EML1: variants seen among roughly 807,000 people sequenced by gnomAD.
EML1 encodes echinoderm microtubule-associated protein-like 1.
EML1 carries 27 observed loss-of-function variants against 110.4 expected under a neutral mutation model. The ratio of observed to expected loss-of-function variants is 0.24; its 90% CI spans 0.18 to 0.34. The LOEUF is 0.34. Ranked by LOEUF, EML1 falls within the 10% of genes least tolerant of loss-of-function variation. The pLI, the probability that EML1 is intolerant of heterozygous loss-of-function variation, is 1.00. For missense variants in EML1, 741 were observed against 1,030.9 expected (o/e 0.72, Z 3.85); for synonymous variants, 344 against 385.8 (o/e 0.89, Z 1.27).
At chr14:99,821,050 G>A (rs576009589) in intron 1 of EML1, among the ~76,000 whole-genome samples, 1 of 143,938 alleles carries the variant, frequency 6.9e-6, no homozygotes, top group Non-Finnish European at 1.5e-5. Flanking sequence ...TTTGGAGACA[G>A]TGTCTTGCTC....
intron 20 of EML1, among the ~76,000 whole-genome samples, chr14:99,938,562 C>A (rs2060516436): frequency 6.6e-6 from 1 of 152,062 alleles, no homozygotes; most frequent in African/African-American, 2.4e-5. Flanking sequence ...GGGCGTCCCC[C>A]ACCCACCCAT....
chr14:99,809,149 T>G (rs879288568), intron 1 of EML1, among the ~76,000 whole-genome samples: 1 of 152,190 alleles, frequency 6.6e-6, no homozygotes, highest in Admixed American at 6.5e-5. Flanking sequence ...GATAATTGAA[T>G]TTTTGCAAAT....
chr14:99,873,015 G>A (rs1566910027), intron 3 of EML1, among the ~76,000 whole-genome samples: 1 of 152,148 alleles, frequency 6.6e-6, no homozygotes, highest in Non-Finnish European at 1.5e-5. Context: ...GGCTTGATTT[G>A]GAATCCTTGG....
At chr14:99,937,505 G>A (rs1355081621) in intron 19 of EML1, among the ~76,000 whole-genome samples, 8 of 152,116 alleles carry the variant, frequency 5.3e-5, no homozygotes, top group African/African-American at 1.4e-4. Flanking sequence ...TCAGGGGCTC[G>A]GGTGGGGGTG....
chr14:99,920,444 A>G (rs938489467), intron 16 of EML1, among the ~76,000 whole-genome samples: 2 of 152,008 alleles, frequency 1.3e-5, no homozygotes, highest in African/African-American at 4.8e-5. Flanking sequence ...GTGGTCCTTC[A>G]CTGCTTCCTC....
chr14:99,766,225 C>T lies in EML1; in HGVS notation c.28+28365C>T, dbSNP rs191905508. 3.5e-3 allele frequency among the ~76,000 whole-genome samples: 496 copies of T among 142,118 alleles called. 1 individual carries two copies. Among genetic ancestry groups the T allele is most frequent in the African/African-American group, 0.012 (479 of 39,126 alleles). 93.2% of individuals were successfully genotyped at this position (142,118 alleles called of 152,430 possible). On this transcript the variant is annotated intron_variant, in intron 1 of 10. Transcript: ENST00000554479. The stretch of plus-strand genomic sequence containing the variant: ...TTTTTTTTTTTTTGAGACAGAGTCT[C>T]ACTCTGTTGCCCAGGCTGGAGTGCA...
At chr14:99,935,349 C>T (rs188568227) in intron 17 of EML1, among the ~76,000 whole-genome samples, 11 of 152,058 alleles carry the variant, frequency 7.2e-5, no homozygotes, top group Admixed American at 3.3e-4. Context: ...TCATGGCACA[C>T]GCCTGTAGTC....
rs2057082491 is a variant in EML1, at chr14:99,744,531, TC to T, written c.28+6676del. ...CTGCACCCCTTTCATTGAGTTTTTT[TC>T]CCCCGAATTGACCGTCTGTTTCTTT... On this transcript the variant is annotated intron_variant, in intron 1 of 10. Coordinates refer to the EML1 transcript ENST00000554479. Among the ~76,000 whole-genome samples the T allele has an allele frequency of 5.3e-5, 8 of 152,324 alleles. 1 individual carries two copies. The South Asian group carries it at 1.7e-3, about 32-fold the overall frequency.
chr14:99,777,388 G>A (rs900862990), intron 1 of EML1, among the ~76,000 whole-genome samples: 8 of 152,012 alleles, frequency 5.3e-5, no homozygotes, highest in African/African-American at 1.9e-4. Context: ...CTTGCCTTTT[G>A]GTATGTCTTT....
rs762714465 is a variant in EML1, at chr14:99,936,294, G to C, written c.2055G>C (p.Gln685His). ...ITHLDWSVNS[Q>H]FLVSNSGDYE... ...ACCTGGACTGGTCTGTAAACTCACA[G>C]TTCCTCGTGTCAAATTCCGGAGACT... The change falls in exon 19 of 22, where the codon CAG becomes CAC. Residue 685 changes from glutamine (Q) to histidine (H), a missense_variant. By Grantham distance (24) the Gln-to-His change is conservative (BLOSUM62 0). Around this residue, in one of 4 missense-constraint regions of EML1, gnomAD observed 388 missense variants for 605.6 expected, o/e 0.64. Coordinates refer to ENST00000262233, the MANE Select transcript of EML1 (RefSeq NM_004434.3). The surrounding 1 kb of genome is among the most constrained non-coding windows in gnomAD (Gnocchi z 5.5). The C allele has an allele frequency of 6.2e-7, 1 of 1,614,004 alleles. No homozygotes were observed. The highest frequency in any genetic ancestry group is 1.3e-5 in the African/African-American group (1 of 75,030).
At chr14:99,764,663 C>T (rs539749316) in intron 1 of EML1, among the ~76,000 whole-genome samples, 1 of 152,302 alleles carries the variant, frequency 6.6e-6, no homozygotes, top group South Asian at 2.1e-4. Flanking sequence ...AAGGAGGTGG[C>T]TGAGAAGGAA....
At chr14:99,916,916 T>C (rs1440555415) in intron 15 of EML1, among the ~76,000 whole-genome samples, 1 of 152,212 alleles carries the variant, frequency 6.6e-6, no homozygotes, top group African/African-American at 2.4e-5. Flanking sequence ...TGTATCTCTT[T>C]CATGGATCTC....
chr14:99,850,887 G>T lies in EML1; in HGVS notation c.102G>T (p.Val34=). 1 of 1,614,118 alleles carries T rather than the reference G, an allele frequency of 6.2e-7. No individual in the cohort carries two copies. The highest frequency in any genetic ancestry group is 8.5e-7 in the Non-Finnish European group (1 of 1,180,008). Residue 34 remains valine, a synonymous_variant, in exon 2 of 22, where the codon GTG becomes GTT. Coordinates refer to ENST00000262233, the MANE Select transcript of EML1 (RefSeq NM_004434.3). The stretch of plus-strand genomic sequence containing the variant: ...CTTCTGCTGCAAGTAGCATGGAGGT[G>T]ACAGACCGCATTGCTTCACTGGAGC... ...DSASAASSME[V]TDRIASLEQR...
intron 8 of EML1, among the ~76,000 whole-genome samples, chr14:99,898,926 TATA>T (rs1218481796): frequency 9.9e-5 from 15 of 152,246 alleles, no homozygotes; most frequent in African/African-American, 3.4e-4. Context: ...AAGTTAAAAT[TATA>T]ATAATAATTT....
chr14:99,766,194 C>CTTTTTT (rs34008528), intron 1 of EML1, among the ~76,000 whole-genome samples: 1 of 129,876 alleles, frequency 7.7e-6, no homozygotes, highest in African/African-American at 2.9e-5. Flanking sequence ...TAAACTTTTA[C>CTTTTTT]TTTTTTTTTT....
At chr14:99,836,206 T>TTATTA (rs1555394385) in intron 1 of EML1, among the ~76,000 whole-genome samples, 1 of 151,750 alleles carries the variant, frequency 6.6e-6, no homozygotes, top group African/African-American at 2.4e-5. Flanking sequence ...TTTAATTTCT[T>TTATTA]TTATTATGTT....
chr14:99,883,787 G>A (rs2059428799), intron 4 of EML1, among the ~76,000 whole-genome samples: 1 of 152,188 alleles, frequency 6.6e-6, no homozygotes, highest in African/African-American at 2.4e-5. Flanking sequence ...TATTTTAGAT[G>A]TGGTTCATCA....
At chr14:99,789,895 C>A (rs1183422127), upstream of EML1, among the ~76,000 whole-genome samples, 1 of 152,168 alleles carries the variant, frequency 6.6e-6, no homozygotes, top group East Asian at 1.9e-4. Flanking sequence ...CGTGGAATAT[C>A]AGTCTGTTAA....
At chr14:99,921,895 C>T (rs2060136366) in intron 17 of EML1, among the ~76,000 whole-genome samples, 1 of 152,160 alleles carries the variant, frequency 6.6e-6, no homozygotes. Context: ...TGCCCATTAG[C>T]AGTTCACTTC....
Sources: gnomAD v4.1 joint callset for allele counts (sites outside exome capture counted in the v4.1 genomes callset) on GRCh38, gnomAD v4.1.1 for gene constraint, gnomAD v4.1.1 regional missense constraint, Gnocchi (gnomAD v3.1) non-coding constraint, MANE v1.5 for transcripts, NCBI Gene and HGNC (gene_info 2026-07-23, HGNC 2026-07-21) for gene names.